PTPN12: variants seen among roughly 807,000 people sequenced by gnomAD.
PTPN12 encodes protein tyrosine phosphatase non-receptor type 12.
PTPN12 carries 29 observed loss-of-function variants against 97.6 expected under a neutral mutation model. The ratio of observed to expected loss-of-function variants is 0.30; its 90% CI spans 0.22 to 0.41. PTPN12 has a LOEUF of 0.41. PTPN12 is among the 10% of genes least tolerant of loss of function. The probability of loss-of-function intolerance (pLI) is 1.00; values close to 1 mark genes in which losing one functional copy is unlikely to be tolerated. For synonymous variants in PTPN12, 327 were observed against 300.4 expected (o/e 1.09, Z -0.91); for missense variants, 819 against 926.0 (o/e 0.88, Z 1.50).
chr7:77,592,654 T>C (rs1277173347), intron 6 of PTPN12, among the ~76,000 whole-genome samples: 1 of 152,108 alleles, frequency 6.6e-6, no homozygotes, highest in Admixed American at 6.6e-5. Flanking sequence ...CTCTCAAAAA[T>C]TGTTATAATT....
intron 2 of PTPN12, among the ~76,000 whole-genome samples, chr7:77,580,803 G>A (rs1249682299): frequency 6.6e-6 from 1 of 151,906 alleles, no homozygotes; most frequent in Non-Finnish European, 1.5e-5. Flanking sequence ...ATAGTTTCTT[G>A]TGAAATATGA....
At chr7:77,581,290 G>C (rs1416603534) in intron 2 of PTPN12, 137 bp from the exon 3 acceptor site, 2 of 472,824 alleles carry the variant, frequency 4.2e-6, no homozygotes, top group African/African-American at 2.0e-5. Flanking sequence ...AAATTACCCT[G>C]CTGGTACCTA....
intron 1 of PTPN12, among the ~76,000 whole-genome samples, chr7:77,558,194 G>C (rs1807809947): frequency 8.3e-6 from 1 of 121,058 alleles, no homozygotes; most frequent in East Asian, 2.2e-4. Context: ...CTGGGCAATA[G>C]AGCAAGACTC....
chr7:77,597,060 A>G (rs1252284941), intron 6 of PTPN12, among the ~76,000 whole-genome samples: 1 of 152,094 alleles, frequency 6.6e-6, no homozygotes, highest in Non-Finnish European at 1.5e-5. Flanking sequence ...AACCCTAGGT[A>G]GTCATTATTT....
At chr7:77,560,224 C>A (rs910528395) in intron 1 of PTPN12, among the ~76,000 whole-genome samples, 1 of 152,110 alleles carries the variant, frequency 6.6e-6, no homozygotes, top group Non-Finnish European at 1.5e-5. Context: ...TAGGTCAGAA[C>A]TTTCTAATGT....
At chr7:77,622,278 T>TA (rs1788966859) in intron 12 of PTPN12, among the ~76,000 whole-genome samples, 1 of 152,144 alleles carries the variant, frequency 6.6e-6, no homozygotes, top group Non-Finnish European at 1.5e-5. Context: ...TTCCAGTTCT[T>TA]AAAAGTGAAC....
At position 77,627,859 on chromosome 7, in the gene PTPN12, A is replaced by G. The variant is rs191885980; in HGVS notation, c.1996+184A>G. 8.5e-5 allele frequency among the ~76,000 whole-genome samples: 13 copies of G among 152,324 alleles called. No individual in the cohort carries two copies. In the East Asian group the frequency reaches 2.5e-3, roughly 29 times the overall value. On this transcript the variant is annotated intron_variant, in intron 13 of 17. Transcript: ENST00000248594. ...AATGTATTGTTAACAATTTGGTCAC[A>G]TTATATTACTGGGTTTTGTGTTTCT...
intron 2 of PTPN12, among the ~76,000 whole-genome samples, chr7:77,573,131 T>A (rs944736618): frequency 2.2e-4 from 29 of 131,062 alleles, no homozygotes; most frequent in African/African-American, 3.5e-4. Flanking sequence ...ACCTAGCACA[T>A]AGTAACCAAT....
At chr7:77,559,456 A>G (rs1220451313) in intron 1 of PTPN12, among the ~76,000 whole-genome samples, 1 of 152,226 alleles carries the variant, frequency 6.6e-6, no homozygotes, top group East Asian at 1.9e-4. Flanking sequence ...ATGGTAAAAC[A>G]GTGAAAGCTT....
At chr7:77,615,626 C>T (rs1788724823) in intron 11 of PTPN12, among the ~76,000 whole-genome samples, 1 of 152,160 alleles carries the variant, frequency 6.6e-6, no homozygotes, top group Admixed American at 6.6e-5. Flanking sequence ...TAGCACGTGC[C>T]TGTAGTCCTA....
Position 77,606,917 on chromosome 7 carries a change from G to A in PTPN12, c.696-318G>A, listed in dbSNP as rs139750967. ...CAAACCTCAACAGTAGTGAGGTAGT[G>A]ACTAGTGATAGATTGTTATAATTGT... On this transcript the variant is annotated intron_variant, in intron 8 of 17. Transcript: ENST00000248594. The A allele has an allele frequency of 2.2e-4, 41 of 184,204 alleles. No individual in the cohort carries two copies. The Admixed American group carries it at 2.2e-3, about 10-fold the overall frequency. The allele number at this position is 184,204 out of a possible 1,614,324, so 11.4% of individuals were successfully genotyped here.
intron 13 of PTPN12, 103 bp from the exon 14 acceptor site, chr7:77,632,243 CTG>C: frequency 1.2e-6 from 1 of 857,132 alleles, no homozygotes; most frequent in Non-Finnish European, 1.9e-6. Context: ...TTTTTAAAAA[CTG>C]ATCTAGATAT....
chr7:77,617,840 A>C (rs1788804660), intron 11 of PTPN12, among the ~76,000 whole-genome samples: 1 of 152,178 alleles, frequency 6.6e-6, no homozygotes, highest in South Asian at 2.1e-4. Context: ...AATGTTAATG[A>C]TGTTATTGGT....
chr7:77,634,986 G>A (rs573278034), intron 14 of PTPN12, among the ~76,000 whole-genome samples: 6 of 152,198 alleles, frequency 3.9e-5, no homozygotes, highest in Admixed American at 1.3e-4. Context: ...GAGTAGCTGC[G>A]ATTAGAGGCA....
intron 15 of PTPN12, chr7:77,636,649 C>T: frequency 5.7e-6 from 1 of 174,282 alleles, no homozygotes; most frequent in East Asian, 1.6e-4. Context: ...GTATTTTCTC[C>T]CATACTTTAA....
At chr7:77,637,162 C>G in intron 16 of PTPN12, 114 bp downstream of exon 16, 2 of 813,756 alleles carry the variant, frequency 2.5e-6, no homozygotes, top group Non-Finnish European at 3.9e-6. Context: ...GTGAAAATGT[C>G]TAGGACAACT....
intron 14 of PTPN12, among the ~76,000 whole-genome samples, chr7:77,634,872 C>G (rs556880847): frequency 1.3e-5 from 2 of 151,000 alleles, no homozygotes; most frequent in Non-Finnish European, 3.0e-5. Context: ...CCACCACGCC[C>G]GGCCTTGTTT....
At chr7:77,609,977 T>TAA (rs1055307613) in intron 9 of PTPN12, among the ~76,000 whole-genome samples, 1 of 152,234 alleles carries the variant, frequency 6.6e-6, no homozygotes, top group African/African-American at 2.4e-5. Context: ...CCTTCCATCT[T>TAA]AATCACTCCA....
chr7:77,542,879 C>T (rs1807047409), intron 1 of PTPN12, among the ~76,000 whole-genome samples: 1 of 152,086 alleles, frequency 6.6e-6, no homozygotes, highest in African/African-American at 2.4e-5. Context: ...AAGATGTAGG[C>T]ATCATAATAT....
Sources: gnomAD v4.1 joint callset for allele counts (sites outside exome capture counted in the v4.1 genomes callset) on GRCh38, gnomAD v4.1.1 for gene constraint, MANE v1.5 for transcripts, NCBI Gene and HGNC (gene_info 2026-07-23, HGNC 2026-07-21) for gene names.